The following NYAP2 variants were observed in gnomAD, a reference collection of about 807,000 sequenced individuals.
NYAP2 encodes the protein neuronal tyrosine-phosphorylated phosphoinositide-3-kinase adapter 2.
In NYAP2, 23 loss-of-function variants were observed where a neutral mutation model predicts 50.4. The ratio of observed to expected loss-of-function variants is 0.46; its 90% confidence interval spans 0.33 to 0.65. NYAP2 has a LOEUF of 0.65. Ranked by LOEUF, NYAP2 falls within the 30% of genes least tolerant of loss-of-function variation. NYAP2 has a pLI of 0.02. For synonymous variants in NYAP2, 394 were observed against 365.2 expected (o/e 1.08, Z -0.90); for missense variants, 885 against 861.0 (o/e 1.03, Z -0.35).
At chr2:225,398,934 A>G (rs1694813563), upstream of NYAP2, among the ~76,000 whole-genome samples, 1 of 152,104 alleles carries the variant, frequency 6.6e-6, no homozygotes, top group Non-Finnish European at 1.5e-5. Context: ...ATATAATTTA[A>G]GAAAATTACA....
intron 3 of NYAP2, among the ~76,000 whole-genome samples, chr2:225,444,713 T>G (rs754281758): frequency 6.6e-6 from 1 of 152,194 alleles, no homozygotes; most frequent in Non-Finnish European, 1.5e-5. Flanking sequence ...CATTGGCCAG[T>G]AGTAACTTGA....
intron 5 of NYAP2, among the ~76,000 whole-genome samples, chr2:225,602,173 G>A (rs1227760435): frequency 1.3e-5 from 2 of 152,178 alleles, no homozygotes; most frequent in African/African-American, 4.8e-5. Flanking sequence ...GTGCTGACTG[G>A]TCTATGGGCC....
intron 3 of NYAP2, among the ~76,000 whole-genome samples, chr2:225,512,811 T>C (rs897360474): frequency 4.6e-4 from 20 of 43,370 alleles, no homozygotes; most frequent in Non-Finnish European, 8.3e-4. Context: ...TCTCTTTCTT[T>C]TCTTTCTTTC....
At chr2:225,471,511 C>T (rs1008753677) in intron 3 of NYAP2, among the ~76,000 whole-genome samples, 3 of 152,160 alleles carry the variant, frequency 2.0e-5, no homozygotes, top group African/African-American at 7.2e-5. Context: ...ACTTAGCTTA[C>T]TGTAATTTGG....
At chr2:225,555,683 G>A (rs559348507) in intron 4 of NYAP2, among the ~76,000 whole-genome samples, 2 of 152,258 alleles carry the variant, frequency 1.3e-5, no homozygotes, top group South Asian at 4.1e-4. Flanking sequence ...TGCCTTGTCA[G>A]CCTGTCTAAG....
chr2:225,524,885 A>G (rs933022727), intron 4 of NYAP2, among the ~76,000 whole-genome samples: 9 of 152,138 alleles, frequency 5.9e-5, no homozygotes, highest in African/African-American at 2.2e-4. Flanking sequence ...TCAAACAACT[A>G]AAGGAAAAAA....
chr2:225,618,878 CAAA>C (rs369685140), intron 5 of NYAP2, among the ~76,000 whole-genome samples: 100 of 152,152 alleles, frequency 6.6e-4, no homozygotes, highest in Middle Eastern at 3.4e-3. Flanking sequence ...TGCCTTAACA[CAAA>C]GAAGAAAAGT....
chr2:225,528,650 C>T (rs1691198230), intron 4 of NYAP2, among the ~76,000 whole-genome samples: 1 of 152,210 alleles, frequency 6.6e-6, no homozygotes, highest in South Asian at 2.1e-4. Flanking sequence ...GTTGACCCAG[C>T]ATGGGAACTG....
intron 4 of NYAP2, among the ~76,000 whole-genome samples, chr2:225,541,564 A>G (rs1256870785): frequency 6.6e-6 from 1 of 152,060 alleles, no homozygotes; most frequent in African/African-American, 2.4e-5. Flanking sequence ...TCCCAAATGT[A>G]TGTTCTTGGA....
chr2:225,657,644 G>A (rs144684929), downstream of NYAP2, among the ~76,000 whole-genome samples: 1,677 of 148,482 alleles, frequency 0.011, 22 homozygotes, highest in African/African-American at 0.034. Flanking sequence ...CCAAAACACC[G>A]TAAAATGTAA....
intron 6 of NYAP2, among the ~76,000 whole-genome samples, chr2:225,637,007 G>A (rs1031848578): frequency 2.6e-5 from 4 of 152,160 alleles, no homozygotes; most frequent in African/African-American, 9.7e-5. Flanking sequence ...TTTGGGTGTG[G>A]CGTGACACAG....
chr2:225,533,607 T>G (rs916937055), intron 4 of NYAP2, among the ~76,000 whole-genome samples: 1 of 152,050 alleles, frequency 6.6e-6, no homozygotes, highest in African/African-American at 2.4e-5. Context: ...GAGGATCACT[T>G]GAGCCCAAGG....
chr2:225,639,171 T>A (rs1693480941), intron 6 of NYAP2, among the ~76,000 whole-genome samples: 1 of 151,922 alleles, frequency 6.6e-6, no homozygotes, highest in Admixed American at 6.6e-5. Context: ...GAGAAAAAAA[T>A]AATACAGTTT....
At chr2:225,576,039 T>C (rs569733877) in intron 4 of NYAP2, among the ~76,000 whole-genome samples, 1 of 152,368 alleles carries the variant, frequency 6.6e-6, no homozygotes, top group Admixed American at 6.5e-5. Flanking sequence ...GAACAGTAGT[T>C]CTGATTAAAG....
chr2:225,517,879 C>T (rs986720058), intron 4 of NYAP2, among the ~76,000 whole-genome samples: 8 of 152,076 alleles, frequency 5.3e-5, no homozygotes, highest in Admixed American at 5.2e-4. Flanking sequence ...CCCTTATACA[C>T]TATTGATAGA....
At chr2:225,697,744 A>G in the NYAP2 span, among the ~76,000 whole-genome samples, 1 of 152,008 alleles carries the variant, frequency 6.6e-6, no homozygotes, top group African/African-American at 2.4e-5. Context: ...CATATCATGA[A>G]CTTTCAGAAC....
chr2:225,496,196 A>G (rs1457765519), intron 3 of NYAP2, among the ~76,000 whole-genome samples: 3 of 152,214 alleles, frequency 2.0e-5, no homozygotes, highest in Admixed American at 1.3e-4. Flanking sequence ...CTGAAAAGGC[A>G]AGTGATGGTA....
intron 4 of NYAP2, among the ~76,000 whole-genome samples, chr2:225,531,937 T>G (rs1211727902): frequency 6.6e-6 from 1 of 152,250 alleles, no homozygotes; most frequent in Non-Finnish European, 1.5e-5. Flanking sequence ...GTTGACAGAC[T>G]AATGTGTTGT....
chr2:225,696,696 C>T, the NYAP2 span, among the ~76,000 whole-genome samples: 6 of 151,926 alleles, frequency 3.9e-5, no homozygotes, highest in African/African-American at 1.4e-4. Flanking sequence ...TCCACGTTCA[C>T]AGTTCTTTCT....
Sources: allele counts gnomAD v4.1 joint callset (sites outside exome capture counted in the v4.1 genomes callset), GRCh38; gene constraint gnomAD v4.1.1; transcripts MANE v1.5; gene names NCBI Gene and HGNC (gene_info 2026-07-23, HGNC 2026-07-21).